Variants in TAF4B observed in about 807,000 individuals in gnomAD.
TAF4B encodes TATA-box binding protein associated factor 4b.
Under a neutral mutation model 86.4 loss-of-function variants are expected in TAF4B, and 38 were observed. The observed-to-expected ratio is 0.44, with a 90% CI of 0.34 to 0.58. The LOEUF is 0.58. Ranked by LOEUF, TAF4B falls within the 20% of genes least tolerant of loss-of-function variation. The pLI, the probability that TAF4B is intolerant of heterozygous loss-of-function variation, is 0.02. For synonymous variants in TAF4B, 388 were observed against 391.2 expected (o/e 0.99, Z 0.10); for missense variants, 988 against 1,027.6 (o/e 0.96, Z 0.53).
At chr18:26,229,964 A>AATAT (rs72151328) in intron 1 of TAF4B, among the ~76,000 whole-genome samples, 79 of 149,564 alleles carry the variant, frequency 5.3e-4, no homozygotes, top group African/African-American at 2.0e-3. Context: ...TTAAAAAAAA[A>AATAT]ATATATATAT....
At chr18:26,250,854 G>T (rs967236863) in intron 1 of TAF4B, among the ~76,000 whole-genome samples, 6 of 152,076 alleles carry the variant, frequency 3.9e-5, no homozygotes, top group Admixed American at 1.3e-4. Context: ...ATAAATAGAA[G>T]CTCAATTTTG....
intron 2 of TAF4B, chr18:26,265,961 G>T (rs1272607286): frequency 6.6e-6 from 1 of 151,852 alleles, no homozygotes; most frequent in Non-Finnish European, 1.5e-5. Context: ...ATTTAGTAGA[G>T]ACACGGTTTT....
At position 26,227,251 on chromosome 18, in the gene TAF4B, T is replaced by C; in HGVS notation, c.318T>C (p.Phe106=). 6.2e-7 allele frequency: 1 copy of C among 1,613,212 alleles called. No individual in the cohort carries two copies. Among genetic ancestry groups the C allele is most frequent in the Non-Finnish European group, 8.5e-7 (1 of 1,179,634 alleles). ...CCCCCAACACCACGACAATCCAGTT[T>C]CCTGCTAATTTGCAGCTTCCTCCAG... is the stretch of plus-strand genomic sequence containing the variant. The part of the protein sequence containing the change: ...VKAPNTTTIQ[F]PANLQLPPGT... The change falls in exon 1 of 15, where the codon TTT becomes TTC. Residue 106 remains phenylalanine, a synonymous_variant. Coordinates refer to ENST00000269142, the MANE Select transcript of TAF4B (RefSeq NM_005640.3).
At position 26,391,684 on chromosome 18, in the gene TAF4B, A is replaced by G. The variant is rs1049585278; in HGVS notation, c.*1672A>G. On this transcript the variant is annotated 3_prime_UTR_variant, in exon 15 of 15. Coordinates refer to ENST00000269142, the MANE Select transcript of TAF4B (RefSeq NM_005640.3). ...ATTAAAATAATTATTTTATTATAAG[A>G]ATAACTTTGCTCATTCACTGACTTT... 6.6e-6 allele frequency: 1 copy of G among 152,196 alleles called. No homozygotes were observed. 9.4% of individuals were successfully genotyped at this position (152,196 alleles called of 1,614,324 possible).
intron 14 of TAF4B, among the ~76,000 whole-genome samples, chr18:26,377,908 A>G (rs909353514): frequency 6.6e-6 from 1 of 152,254 alleles, no homozygotes; most frequent in African/African-American, 2.4e-5. Flanking sequence ...AGCAAATAAA[A>G]GTATGTACAT....
chr18:26,249,080 G>T (rs2055964704), intron 1 of TAF4B, among the ~76,000 whole-genome samples: 1 of 151,614 alleles, frequency 6.6e-6, no homozygotes, highest in Non-Finnish European at 1.5e-5. Context: ...GCTGAGGCAG[G>T]AGGATCACTT....
Position 26,333,340 on chromosome 18 carries a change from C to G in TAF4B, c.2260-1835C>G, listed in dbSNP as rs201018216. Among the ~76,000 whole-genome samples, 12 of 151,468 alleles carry G rather than the reference C, an allele frequency of 7.9e-5. No homozygotes were observed. In the East Asian group the frequency reaches 1.7e-3, roughly 22 times the overall value. Reference sequence around the variant, plus strand: ...GGTTCAAACGATTCTTAGGTCTCAGCCTCCCAAGTAGTTGGGACTACAGGT... The same window carrying G: ...GGTTCAAACGATTCTTAGGTCTCAGGCTCCCAAGTAGTTGGGACTACAGGT... On this transcript the variant is annotated intron_variant, in intron 12 of 14. Transcript: ENST00000269142.
At chr18:26,339,586 A>G (rs969900635) in intron 13 of TAF4B, among the ~76,000 whole-genome samples, 1 of 152,006 alleles carries the variant, frequency 6.6e-6, no homozygotes, top group Non-Finnish European at 1.5e-5. Flanking sequence ...CTCAGCCTCC[A>G]TAAGTTCTGG....
chr18:26,369,198 C>T (rs2057390795), intron 14 of TAF4B, among the ~76,000 whole-genome samples: 1 of 151,418 alleles, frequency 6.6e-6, no homozygotes, highest in Admixed American at 6.6e-5. Flanking sequence ...GGAAGAAAAA[C>T]AAGGCATGAA....
chr18:26,363,839 T>C (rs370586575), intron 14 of TAF4B, among the ~76,000 whole-genome samples: 19 of 152,258 alleles, frequency 1.2e-4, no homozygotes, highest in African/African-American at 4.6e-4. Context: ...CAGAGAGAAG[T>C]GGGAGTAGAA....
chr18:26,313,065 A>C (rs1054898160), intron 9 of TAF4B, among the ~76,000 whole-genome samples: 2 of 152,138 alleles, frequency 1.3e-5, no homozygotes, highest in Non-Finnish European at 2.9e-5. Flanking sequence ...TATTATGCCT[A>C]TGTAAGCGTA....
At position 26,315,209 on chromosome 18, in the gene TAF4B, C is replaced by CTTTT; in HGVS notation, c.1833-11_1833-8dup. 8.2e-7 allele frequency: 1 copy of CTTTT among 1,219,836 alleles called. No individual in the cohort carries two copies. The highest frequency in any genetic ancestry group is 1.1e-6 in the Non-Finnish European group (1 of 914,836). The allele number at this position is 1,219,836 out of a possible 1,614,324, so 75.6% of individuals were successfully genotyped here. On this transcript the variant is annotated intron_variant, in intron 9 of 14. Transcript: ENST00000269142. ...CACACACACAACCTAAAATGTATAA[C>CTTTT]TTTTTTTTTTTTCTATTAGAGATGA...
chr18:26,334,696 A>T (rs1320517119), intron 12 of TAF4B, among the ~76,000 whole-genome samples: 1 of 152,212 alleles, frequency 6.6e-6, no homozygotes, highest in Non-Finnish European at 1.5e-5. Context: ...TTATAATTTT[A>T]GAAATTATAC....
intron 1 of TAF4B, among the ~76,000 whole-genome samples, chr18:26,246,540 G>GT (rs978977773): frequency 1.5e-3 from 226 of 149,898 alleles, no homozygotes; most frequent in Non-Finnish European, 2.3e-3. Context: ...TGTTTTTGTG[G>GT]TTTTTTTTTT....
At chr18:26,370,361 G>A (rs946574558) in intron 14 of TAF4B, among the ~76,000 whole-genome samples, 16 of 152,328 alleles carry the variant, frequency 1.1e-4, no homozygotes, top group African/African-American at 3.8e-4. Context: ...TATTGGGAAA[G>A]AGTGGAAAAT....
At chr18:26,235,413 A>G (rs145413094) in intron 1 of TAF4B, among the ~76,000 whole-genome samples, 3 of 152,310 alleles carry the variant, frequency 2.0e-5, no homozygotes, top group African/African-American at 7.2e-5. Flanking sequence ...TTAGGCGTAG[A>G]TATTTGACTT....
chr18:26,274,892 A>G (rs764455208), intron 4 of TAF4B, 39 bp from the exon 5 acceptor site: 3 of 1,612,566 alleles, frequency 1.9e-6, no homozygotes, highest in African/African-American at 2.7e-5. Flanking sequence ...TTTGCTCACT[A>G]ACACTTGTGT....
chr18:26,378,233 C>T (rs569909111), intron 14 of TAF4B, among the ~76,000 whole-genome samples: 2 of 152,250 alleles, frequency 1.3e-5, no homozygotes, highest in Admixed American at 1.3e-4. Context: ...CTTAATTTAG[C>T]TTACCCAAAA....
chr18:26,327,990 C>G (rs763199017), intron 12 of TAF4B, among the ~76,000 whole-genome samples: 16 of 152,202 alleles, frequency 1.1e-4, no homozygotes, highest in Non-Finnish European at 2.1e-4. Context: ...TTTTGAAGCT[C>G]CACATTTCTT....
Sources: allele counts gnomAD v4.1 joint callset (sites outside exome capture counted in the v4.1 genomes callset), GRCh38; gene constraint gnomAD v4.1.1; transcripts MANE v1.5; gene names NCBI Gene and HGNC (gene_info 2026-07-23, HGNC 2026-07-21).